PRPSAP1: variants seen among roughly 807,000 people sequenced by gnomAD.
PRPSAP1 encodes phosphoribosyl pyrophosphate synthetase associated protein 1.
PRPSAP1 carries 31 observed loss-of-function variants against 39.4 expected under a neutral mutation model. The observed-to-expected ratio is 0.79, with a 90% CI of 0.59 to 1.06. PRPSAP1 has a LOEUF of 1.06. PRPSAP1 is among the 50% of genes least tolerant of loss of function. The pLI is 0.00. For synonymous variants in PRPSAP1, 212 were observed against 192.6 expected (o/e 1.10, Z -0.83); for missense variants, 430 against 511.6 (o/e 0.84, Z 1.54).
Position 76,325,802 on chromosome 17 carries a change from T to G in PRPSAP1, c.781+2915A>C, listed in dbSNP as rs148093875. On this transcript the variant is annotated intron_variant, in intron 7 of 9. Transcript: ENST00000446526. ...TGCATTTTTTTAGTAGAGACGCGAT[T>G]TCACAGTGTTAGTCAGGACGGTCTC... Among the ~76,000 whole-genome samples, 65 of 152,026 alleles carry G rather than the reference T, an allele frequency of 4.3e-4. 1 individual carries two copies. The highest frequency in any genetic ancestry group is 1.5e-3 in the African/African-American group (62 of 41,460).
In PRPSAP1 at chr17:76,318,905, A is replaced by G. The variant is rs1325692898; in HGVS notation, c.782-5014T>C. On this transcript the variant is annotated intron_variant, in intron 7 of 9. Transcript: ENST00000446526. ...CTGATAATACAACATCTATCAAAAT[A>G]ACCTCTGACCCAGTAATTTTATTTC... is the stretch of plus-strand genomic sequence containing the variant. 6.6e-5 allele frequency among the ~76,000 whole-genome samples: 10 copies of G among 152,268 alleles called. No homozygotes were observed. In the East Asian group the frequency reaches 1.9e-3, roughly 29 times the overall value.
intron 7 of PRPSAP1, among the ~76,000 whole-genome samples, chr17:76,328,105 G>A (rs1201178192): frequency 2.0e-5 from 3 of 150,824 alleles, no homozygotes; most frequent in East Asian, 2.0e-4. Context: ...GCGGAGGTGG[G>A]AGAATCACTT....
intron 3 of PRPSAP1, chr17:76,337,444 CAACA>C (rs1364883947): frequency 3.5e-5 from 3 of 86,916 alleles, no homozygotes; most frequent in East Asian, 2.3e-4. Flanking sequence ...ACAACAACAA[CAACA>C]AACTAACCTG....
rs1184998035 is a variant in PRPSAP1, at chr17:76,344,657, G to C, written c.290+14C>G. On this transcript the variant is annotated intron_variant, in intron 3 of 9. Transcript: ENST00000446526. The stretch of plus-strand genomic sequence containing the variant: ...GTTTTTACAGAAAAGAGATAAAGTA[G>C]TCAGTCCTCTTACCTGGGTATTGTC... 6.6e-7 allele frequency: 1 copy of C among 1,520,606 alleles called. No homozygotes were observed. The highest frequency in any genetic ancestry group is 1.2e-5 in the South Asian group (1 of 84,234). 94.2% of individuals were successfully genotyped at this position (1,520,606 alleles called of 1,614,324 possible).
intron 7 of PRPSAP1, among the ~76,000 whole-genome samples, chr17:76,319,712 C>A (rs1190361708): frequency 6.6e-6 from 1 of 151,912 alleles, no homozygotes; most frequent in East Asian, 1.9e-4. Context: ...CTTGGCCTCC[C>A]AAAGTGCTGG....
intron 7 of PRPSAP1, among the ~76,000 whole-genome samples, chr17:76,314,895 C>A (rs116198769): frequency 0.025 from 3,797 of 152,292 alleles, 76 homozygotes; most frequent in East Asian, 0.061. Flanking sequence ...CAGAGACTGA[C>A]AGAGACATGC....
chr17:76,313,255 C>A, intron 8 of PRPSAP1: 1 of 395,882 alleles, frequency 2.5e-6, no homozygotes, highest in Non-Finnish European at 4.5e-6. Flanking sequence ...ACGGCTGGAG[C>A]TGAGGATTGC....
chr17:76,334,259 T>C (rs2071356075), intron 3 of PRPSAP1, among the ~76,000 whole-genome samples: 1 of 152,232 alleles, frequency 6.6e-6, no homozygotes, highest in Non-Finnish European at 1.5e-5. Flanking sequence ...CAGCAGGTTC[T>C]TCAGGTACCA....
At chr17:76,338,345 C>T (rs1007871292) in intron 3 of PRPSAP1, among the ~76,000 whole-genome samples, 8 of 152,144 alleles carry the variant, frequency 5.3e-5, no homozygotes, top group Non-Finnish European at 4.4e-5. Context: ...GGCAATGCCC[C>T]CTTCCTCCCA....
intron 3 of PRPSAP1, among the ~76,000 whole-genome samples, chr17:76,339,739 A>T (rs1410592657): frequency 6.6e-6 from 1 of 151,738 alleles, no homozygotes; most frequent in Non-Finnish European, 1.5e-5. Context: ...GTGCCTTTCC[A>T]TGTTGACTTA....
intron 9 of PRPSAP1, among the ~76,000 whole-genome samples, chr17:76,312,631 C>T (rs1015164761): frequency 1.3e-5 from 2 of 152,112 alleles, no homozygotes; most frequent in African/African-American, 2.4e-5. Flanking sequence ...GAATACTATA[C>T]ATTACATCGT....
At chr17:76,346,862 C>T (rs1194987979) in intron 2 of PRPSAP1, among the ~76,000 whole-genome samples, 3 of 151,944 alleles carry the variant, frequency 2.0e-5, no homozygotes, top group Non-Finnish European at 4.4e-5. Context: ...CACCACTGCA[C>T]TCCAGCCCGG....
At chr17:76,333,666 C>G (rs1167525387) in intron 3 of PRPSAP1, among the ~76,000 whole-genome samples, 1 of 132,334 alleles carries the variant, frequency 7.6e-6, no homozygotes, top group East Asian at 2.1e-4. Flanking sequence ...CAAAACAAAA[C>G]AAACAAAAAA....
chr17:76,330,727 C>A, intron 4 of PRPSAP1, 61 bp from the exon 5 acceptor site: 1 of 1,055,010 alleles, frequency 9.5e-7, no homozygotes. Context: ...CTACAGTGGA[C>A]CTAAACTAGA....
chr17:76,322,064 C>T (rs1197805521), intron 7 of PRPSAP1, among the ~76,000 whole-genome samples: 4 of 152,128 alleles, frequency 2.6e-5, no homozygotes, highest in Non-Finnish European at 5.9e-5. Flanking sequence ...TAAGTTACTC[C>T]GAAGATCTAA....
Position 76,353,831 on chromosome 17 carries a change from G to A in PRPSAP1, c.-128C>T, listed in dbSNP as rs977279762. ...TCGGCGCAAGCGGGGAGAGCTCCGA[G>A]GTCCGTGCCCTTGCGCACCCCACAC... On this transcript the variant is annotated 5_prime_UTR_variant, in exon 1 of 10. Coordinates refer to ENST00000446526, the MANE Select transcript of PRPSAP1 (RefSeq NM_002766.3). 9 of 1,380,978 alleles carry A rather than the reference G, an allele frequency of 6.5e-6. No homozygotes were observed. Among genetic ancestry groups the A allele is most frequent in the East Asian group, 6.1e-5 (2 of 32,940 alleles). The allele number at this position is 1,380,978 out of a possible 1,614,324, so 85.5% of individuals were successfully genotyped here. A position where few individuals can be genotyped will look rare whatever the true frequency, so the allele number is the denominator to read the frequency against.
chr17:76,350,422 GA>G (rs779374252), intron 1 of PRPSAP1, among the ~76,000 whole-genome samples: 43 of 151,656 alleles, frequency 2.8e-4, no homozygotes, highest in Admixed American at 1.3e-3. Context: ...CTGTGCGACA[GA>G]GTGAGATTCC....
intron 7 of PRPSAP1, among the ~76,000 whole-genome samples, chr17:76,319,684 A>AACTACTGG (rs2071167650): frequency 6.6e-6 from 1 of 151,416 alleles, no homozygotes; most frequent in South Asian, 2.1e-4. Context: ...GGCCAGGCTG[A>AACTACTGG]CCTCGTGATT....
intron 9 of PRPSAP1, 190 bp downstream of exon 9, chr17:76,312,680 T>C: frequency 1.7e-6 from 1 of 578,396 alleles, no homozygotes. Context: ...GTCAAAAACT[T>C]CTAAGTTGAA....
Sources: allele counts gnomAD v4.1 joint callset (sites outside exome capture counted in the v4.1 genomes callset), GRCh38; gene constraint gnomAD v4.1.1; transcripts MANE v1.5; gene names NCBI Gene and HGNC (gene_info 2026-07-23, HGNC 2026-07-21).